The following WDFY4 variants were observed in gnomAD, a reference collection of about 807,000 sequenced individuals.
WDFY4 encodes WD repeat- and FYVE domain-containing protein 4.
In WDFY4, 169 loss-of-function variants were observed where a neutral mutation model predicts 351.9. The ratio of observed to expected loss-of-function variants is 0.48; its 90% CI spans 0.42 to 0.55. WDFY4 has a LOEUF of 0.55. Among genes scored for constraint, WDFY4 ranks in the 20% least tolerant of loss-of-function variants. WDFY4 has a pLI of 0.00. For synonymous variants in WDFY4, 1,622 were observed against 1,574.6 expected, an observed-to-expected ratio of 1.03 and a Z score of -0.71; for missense variants, 3,803 against 3,935.6, an observed-to-expected ratio of 0.97 and a Z score of 0.90.
At chr10:48,938,200 A>G (rs1840514515) in intron 47 of WDFY4, among the ~76,000 whole-genome samples, 1 of 152,264 alleles carries the variant, frequency 6.6e-6, no homozygotes, top group African/African-American at 2.4e-5. Flanking sequence ...CAAATAGGCA[A>G]CACAACATGG....
At chr10:48,945,932 G>A (rs951590132) in intron 49 of WDFY4, 108 bp from the exon 50 acceptor site, 1 of 759,340 alleles carries the variant, frequency 1.3e-6, no homozygotes, top group Admixed American at 3.8e-5. Context: ...AGGCAGGTCA[G>A]ACCAAATGAC....
intron 39 of WDFY4, among the ~76,000 whole-genome samples, chr10:48,842,769 A>T (rs1361370222): frequency 6.6e-6 from 1 of 152,202 alleles, no homozygotes; most frequent in Non-Finnish European, 1.5e-5. Context: ...ATGAATTATC[A>T]GTAGCTACAG....
At chr10:48,947,465 G>A (rs187813638) in intron 51 of WDFY4, among the ~76,000 whole-genome samples, 1 of 152,096 alleles carries the variant, frequency 6.6e-6, no homozygotes, top group Non-Finnish European at 1.5e-5. Context: ...ACCAGCTTAC[G>A]GTCGCCAGGT....
intron 54 of WDFY4, among the ~76,000 whole-genome samples, chr10:48,965,218 T>A (rs1214891350): frequency 2.0e-5 from 3 of 152,176 alleles, no homozygotes; most frequent in Non-Finnish European, 4.4e-5. Context: ...AGCACAGATC[T>A]TTTCCCGTCA....
chr10:48,777,826 C>G (rs535083679), intron 17 of WDFY4, among the ~76,000 whole-genome samples: 3 of 152,350 alleles, frequency 2.0e-5, no homozygotes, highest in South Asian at 4.1e-4. Flanking sequence ...CTTTGCTCCT[C>G]TTTTAGAGCA....
At chr10:48,701,162 A>G (rs936619403) in intron 1 of WDFY4, among the ~76,000 whole-genome samples, 4 of 152,278 alleles carry the variant, frequency 2.6e-5, no homozygotes, top group African/African-American at 9.6e-5. Context: ...GGGACCTCAT[A>G]TCAGTGGATC....
intron 39 of WDFY4, among the ~76,000 whole-genome samples, chr10:48,837,315 G>T (rs1040459865): frequency 1.3e-5 from 2 of 152,128 alleles, no homozygotes; most frequent in Non-Finnish European, 2.9e-5. Flanking sequence ...CAGGTGGTAA[G>T]AAAGGGGCCA....
intron 44 of WDFY4, among the ~76,000 whole-genome samples, chr10:48,891,441 G>T (rs2070691508): frequency 6.6e-6 from 1 of 152,214 alleles, no homozygotes; most frequent in Non-Finnish European, 1.5e-5. Flanking sequence ...AAATCAAATT[G>T]ACTGAGCTTT....
rs148921037 is a variant in WDFY4 at position 48,730,838 on chromosome 10, T to C, written c.1130-272T>C. 2.6e-5 allele frequency among the ~76,000 whole-genome samples: 4 copies of C among 152,348 alleles called. 1 individual carries two copies. The East Asian group carries it at 7.7e-4, about 29-fold the overall frequency. On this transcript the variant is annotated intron_variant, in intron 8 of 61. Coordinates refer to ENST00000325239, the MANE Select transcript of WDFY4 (RefSeq NM_001394531.1). ...AACAAGATATTTTGCATCATTTCCT[T>C]TGTATTATCTTTTTGAAATCTAATG...
intron 35 of WDFY4, among the ~76,000 whole-genome samples, chr10:48,825,982 T>C (rs559906308): frequency 2.0e-5 from 3 of 152,322 alleles, no homozygotes; most frequent in Admixed American, 1.3e-4. Flanking sequence ...TGTCAATTTT[T>C]GCTTTTGTTG....
chr10:48,911,583 TA>T (rs1298165876), intron 47 of WDFY4, among the ~76,000 whole-genome samples: 1 of 152,228 alleles, frequency 6.6e-6, no homozygotes, highest in Non-Finnish European at 1.5e-5. Flanking sequence ...GCAGATGTTT[TA>T]AAGTGTGTTT....
intron 43 of WDFY4, among the ~76,000 whole-genome samples, chr10:48,888,074 A>G (rs1208728833): frequency 6.6e-6 from 1 of 152,248 alleles, no homozygotes; most frequent in Non-Finnish European, 1.5e-5. Context: ...TTTGTGTAAA[A>G]AAGAATATGT....
intron 2 of WDFY4, among the ~76,000 whole-genome samples, chr10:48,712,483 T>C (rs1241087857): frequency 6.6e-6 from 1 of 152,220 alleles, no homozygotes; most frequent in Non-Finnish European, 1.5e-5. Flanking sequence ...TATTATAGGC[T>C]TCTCATAATT....
intron 53 of WDFY4, 87 bp downstream of exon 53, chr10:48,959,900 C>A: frequency 8.1e-7 from 1 of 1,236,858 alleles, no homozygotes; most frequent in Non-Finnish European, 1.1e-6. Context: ...AAGTGGAGGG[C>A]CAGTGACCAG....
At chr10:48,960,756 A>G (rs1310736044) in intron 53 of WDFY4, among the ~76,000 whole-genome samples, 3 of 152,246 alleles carry the variant, frequency 2.0e-5, no homozygotes, top group Non-Finnish European at 4.4e-5. Flanking sequence ...GATTTACTGA[A>G]TCAGTTTACA....
At chr10:48,930,067 G>T (rs1564501078) in intron 47 of WDFY4, among the ~76,000 whole-genome samples, 1 of 151,740 alleles carries the variant, frequency 6.6e-6, no homozygotes, top group Non-Finnish European at 1.5e-5. Flanking sequence ...TGGTTCACTT[G>T]TCCATTTCAG....
chr10:48,930,929 A>G (rs1839958738), intron 47 of WDFY4, among the ~76,000 whole-genome samples: 1 of 152,166 alleles, frequency 6.6e-6, no homozygotes, highest in African/African-American at 2.4e-5. Context: ...GAGAGAAAGA[A>G]CGCCAAGAAT....
In WDFY4 at chr10:48,872,190, A is replaced by G. The variant is rs141427834; in HGVS notation, c.6742-1301A>G. Among the ~76,000 whole-genome samples, 18 of 152,372 alleles carry G rather than the reference A, an allele frequency of 1.2e-4. No homozygotes were observed. In the East Asian group the frequency reaches 3.3e-3, roughly 28 times the overall value. Reference sequence around the variant, plus strand: ...GGCAAGTTATGAGAACAATTTACTCATTTAAAATGGCCAAGATTTGCAAGG... The same window carrying G: ...GGCAAGTTATGAGAACAATTTACTCGTTTAAAATGGCCAAGATTTGCAAGG... On this transcript the variant is annotated intron_variant, in intron 40 of 61. Transcript: ENST00000325239.
chr10:48,781,280 G>A (rs868189808), intron 19 of WDFY4, among the ~76,000 whole-genome samples: 4 of 147,934 alleles, frequency 2.7e-5, no homozygotes, highest in African/African-American at 7.8e-5. Flanking sequence ...ATATATATAT[G>A]TGTGTGTGTG....
Sources: allele counts gnomAD v4.1 joint callset (sites outside exome capture counted in the v4.1 genomes callset), GRCh38; gene constraint gnomAD v4.1.1; transcripts MANE v1.5; gene names NCBI Gene and HGNC (gene_info 2026-07-23, HGNC 2026-07-21).